Variants in SPAST observed in about 807,000 individuals in gnomAD.
SPAST encodes the protein spastic paraplegia 4 (autosomal dominant; spastin).
Under a neutral mutation model 76.6 loss-of-function variants are expected in SPAST, and 30 were observed. The observed-to-expected ratio is 0.39, with a 90% CI of 0.29 to 0.53. SPAST has a LOEUF of 0.53. SPAST is among the 20% of genes least tolerant of loss of function. The probability of loss-of-function intolerance (pLI) is 0.68; values close to 1 mark genes in which losing one functional copy is unlikely to be tolerated. For synonymous variants in SPAST, 305 were observed against 281.0 expected, an observed-to-expected ratio of 1.09 and a Z score of -0.86; for missense variants, 717 against 770.5, an observed-to-expected ratio of 0.93 and a Z score of 0.82.
At chr2:32,096,529 A>T (rs1356401248) in intron 3 of SPAST, among the ~76,000 whole-genome samples, 1 of 152,180 alleles carries the variant, frequency 6.6e-6, no homozygotes, top group Non-Finnish European at 1.5e-5. Context: ...AAAAAAAATG[A>T]ATTGGAGCAG....
At chr2:32,072,251 G>A (rs1053359647) in intron 1 of SPAST, among the ~76,000 whole-genome samples, 1 of 151,982 alleles carries the variant, frequency 6.6e-6, no homozygotes, top group African/African-American at 2.4e-5. Context: ...CACCATGTTG[G>A]CCAGGATGGT....
chr2:32,149,753 C>T (rs1680014286), intron 16 of SPAST, among the ~76,000 whole-genome samples: 2 of 152,040 alleles, frequency 1.3e-5, no homozygotes, highest in Admixed American at 1.3e-4. Flanking sequence ...TTAAAGTATA[C>T]AGGAGGATTG....
intron 2 of SPAST, 73 bp from the exon 3 acceptor site, chr2:32,089,448 GT>G (rs2148710491): frequency 2.3e-6 from 2 of 867,420 alleles, no homozygotes; most frequent in East Asian, 5.2e-5. Flanking sequence ...CATGAAAGTA[GT>G]TTGGGTGATA....
intron 15 of SPAST, among the ~76,000 whole-genome samples, chr2:32,145,844 T>G (rs1201166771): frequency 1.3e-5 from 2 of 152,200 alleles, no homozygotes; most frequent in Non-Finnish European, 2.9e-5. Flanking sequence ...TGCACTCAGA[T>G]TATTAGCTAT....
chr2:32,141,872 T>C (rs1679730398), intron 12 of SPAST, 32 bp from the exon 13 acceptor site: 12 of 1,581,718 alleles, frequency 7.6e-6, no homozygotes, highest in Non-Finnish European at 1.0e-5. Flanking sequence ...TTCAAAATTA[T>C]ATTTCTAAAA....
intron 12 of SPAST, among the ~76,000 whole-genome samples, chr2:32,139,746 T>G (rs1679654923): frequency 6.6e-6 from 1 of 151,736 alleles, no homozygotes; most frequent in African/African-American, 2.4e-5. Flanking sequence ...GGAGAATTGC[T>G]TGAACCCAGG....
At chr2:32,097,532 G>A (rs1349088765) in intron 3 of SPAST, among the ~76,000 whole-genome samples, 2 of 152,046 alleles carry the variant, frequency 1.3e-5, no homozygotes, top group Non-Finnish European at 2.9e-5. Context: ...TATATATACA[G>A]TTACTGCAGT....
chr2:32,137,068 T>C (rs1298479373), intron 11 of SPAST, 41 bp from the exon 12 acceptor site: 5 of 1,574,932 alleles, frequency 3.2e-6, no homozygotes, highest in Non-Finnish European at 4.4e-6. Flanking sequence ...TATTTGTTAT[T>C]ACTTTTCTAA....
intron 7 of SPAST, among the ~76,000 whole-genome samples, chr2:32,124,933 C>T (rs1027593850): frequency 6.6e-6 from 1 of 152,182 alleles, no homozygotes; most frequent in Non-Finnish European, 1.5e-5. Context: ...GGCAGTGAAA[C>T]TGTTCTTTAT....
chr2:32,083,731 CTATATATATTTATATATACTATATA>C (rs1310080898), intron 1 of SPAST, among the ~76,000 whole-genome samples: 71 of 70,476 alleles, frequency 1.0e-3, no homozygotes, highest in Middle Eastern at 0.012. Context: ...TTTATATATA[CTATATATATTTATATATACTATATA>C]TATATATATA....
chr2:32,085,263 A>G (rs777288004), intron 1 of SPAST, among the ~76,000 whole-genome samples: 7 of 146,158 alleles, frequency 4.8e-5, no homozygotes, highest in Admixed American at 2.1e-4. Context: ...TTAGAGTGCA[A>G]TGGTACAATC....
intron 16 of SPAST, among the ~76,000 whole-genome samples, chr2:32,151,023 C>T (rs1198367059): frequency 6.6e-6 from 1 of 150,980 alleles, no homozygotes; most frequent in Non-Finnish European, 1.5e-5. Flanking sequence ...CGGCTCACTG[C>T]AACCTCCGCC....
chr2:32,105,343 AG>A (rs1162976878), intron 4 of SPAST, among the ~76,000 whole-genome samples: 2 of 152,122 alleles, frequency 1.3e-5, no homozygotes, highest in Non-Finnish European at 2.9e-5. Context: ...TATTCTAGTT[AG>A]CCATTTGTCT....
At chr2:32,144,637 C>T (rs1349911610) in intron 14 of SPAST, among the ~76,000 whole-genome samples, 2 of 151,918 alleles carry the variant, frequency 1.3e-5, no homozygotes, top group African/African-American at 4.8e-5. Flanking sequence ...TGTAATCTCA[C>T]TACTTTGGGA....
chr2:32,118,901 C>T (rs894753227), intron 7 of SPAST, among the ~76,000 whole-genome samples: 3 of 152,230 alleles, frequency 2.0e-5, no homozygotes, highest in Admixed American at 1.3e-4. Flanking sequence ...CTATAGAGAA[C>T]ATATCTAAAA....
rs1318536893 is a variant in SPAST at position 32,114,703 on chromosome 2, A to C, written c.748A>C (p.Lys250Gln). 1 of 1,614,180 alleles carries C rather than the reference A, an allele frequency of 6.2e-7. No individual in the cohort carries two copies. Among genetic ancestry groups the C allele is most frequent in the East Asian group, 2.2e-5 (1 of 44,880 alleles). Reference protein sequence around the residue: ...THTSNSLPRSKTVMKTGSAGL... With the variant: ...THTSNSLPRSQTVMKTGSAGL... ...CACTAGTAATTCACTGCCTCGTTCAAAAACAGTTATGAAAACTGGATCTGC... is the reference window on the plus strand; with the variant it reads ...CACTAGTAATTCACTGCCTCGTTCACAAACAGTTATGAAAACTGGATCTGC... The change falls in exon 5 of 17, where the codon AAA becomes CAA. Residue 250 changes from lysine to glutamine, a missense_variant. Lys to Gln is a moderately conservative substitution (Grantham distance 53). Around this residue, in one of 3 missense-constraint regions of SPAST, gnomAD observed 543 missense variants for 445.2 expected, o/e 1.22. Coordinates refer to ENST00000315285, the MANE Select transcript of SPAST (RefSeq NM_014946.4).
chr2:32,118,025 A>G (rs569393137), intron 7 of SPAST, among the ~76,000 whole-genome samples: 13 of 152,294 alleles, frequency 8.5e-5, no homozygotes, highest in African/African-American at 3.1e-4. Context: ...TTTCCAGTTC[A>G]CAGATGGTAT....
intron 9 of SPAST, among the ~76,000 whole-genome samples, chr2:32,132,851 C>T (rs917382398): frequency 2.6e-5 from 4 of 152,036 alleles, no homozygotes; most frequent in African/African-American, 9.7e-5. Flanking sequence ...AAATACAAAT[C>T]TCTACTAAAT....
chr2:32,147,387 A>T, intron 16 of SPAST, 129 bp downstream of exon 16: 1 of 566,650 alleles, frequency 1.8e-6, no homozygotes, highest in Non-Finnish European at 2.9e-6. Context: ...GTCTGGCATG[A>T]TATCGGCTCA....
Sources: allele counts gnomAD v4.1 joint callset (sites outside exome capture counted in the v4.1 genomes callset), GRCh38; gene constraint gnomAD v4.1.1; regional missense constraint gnomAD v4.1.1; transcripts MANE v1.5; gene names NCBI Gene and HGNC (gene_info 2026-07-23, HGNC 2026-07-21).